The following MARCHF1 variants were observed in gnomAD, a reference collection of about 807,000 sequenced individuals.
MARCHF1 encodes the protein E3 ubiquitin-protein ligase MARCHF1.
MARCHF1 carries 40 observed loss-of-function variants against 54.2 expected under a neutral mutation model. The observed-to-expected ratio is 0.74, with a 90% CI of 0.57 to 0.96. MARCHF1 has a LOEUF of 0.96. Among genes scored for constraint, MARCHF1 ranks in the 40% least tolerant of loss-of-function variants. The pLI, the probability that MARCHF1 is intolerant of heterozygous loss-of-function variation, is 0.00. For synonymous variants in MARCHF1, 236 were observed against 236.3 expected, an observed-to-expected ratio of 1.00 and a Z score of 0.01; for missense variants, 586 against 656.5, an observed-to-expected ratio of 0.89 and a Z score of 1.17.
At chr4:163,812,617 G>C (rs1477936440) in intron 4 of MARCHF1, among the ~76,000 whole-genome samples, 3 of 152,062 alleles carry the variant, frequency 2.0e-5, no homozygotes, top group African/African-American at 2.4e-5. Context: ...AATTAGTCAG[G>C]CGTGGTGGTG....
intron 1 of MARCHF1, among the ~76,000 whole-genome samples, chr4:164,250,197 T>C (rs576492091): frequency 1.3e-3 from 202 of 152,244 alleles, no homozygotes; most frequent in African/African-American, 4.6e-3. Context: ...GGGTGAGTTA[T>C]GTGCATGGTT....
intron 1 of MARCHF1, chr4:164,135,620 G>A (rs1201927042): frequency 6.6e-6 from 1 of 152,200 alleles, no homozygotes; most frequent in Non-Finnish European, 1.5e-5. Context: ...AGGCCCCCAT[G>A]ATTCAATCAC....
chr4:164,049,013 A>G (rs1353708883), intron 2 of MARCHF1, among the ~76,000 whole-genome samples: 3 of 152,236 alleles, frequency 2.0e-5, no homozygotes, highest in African/African-American at 7.2e-5. Context: ...CAAGACTAAT[A>G]TATAAAATAC....
intron 3 of MARCHF1, among the ~76,000 whole-genome samples, chr4:163,857,658 T>G (rs1749805249): frequency 6.6e-6 from 1 of 152,206 alleles, no homozygotes; most frequent in Non-Finnish European, 1.5e-5. Flanking sequence ...ATTTAGTAAA[T>G]AGCAGCATAG....
intron 1 of MARCHF1, among the ~76,000 whole-genome samples, chr4:164,304,709 C>G (rs577042063): frequency 1.1e-4 from 16 of 152,130 alleles, no homozygotes; most frequent in African/African-American, 3.9e-4. Context: ...CCTCTCAATG[C>G]TTTCTGGTAA....
intron 1 of MARCHF1, among the ~76,000 whole-genome samples, chr4:164,250,560 T>A (rs1461152182): frequency 1.3e-5 from 2 of 152,102 alleles, no homozygotes; most frequent in Admixed American, 6.6e-5. Context: ...TTAATAAAGT[T>A]AACATCACTT....
chr4:163,841,164 T>C (rs2111130518), intron 4 of MARCHF1, among the ~76,000 whole-genome samples: 1 of 152,182 alleles, frequency 6.6e-6, no homozygotes, highest in East Asian at 1.9e-4. Flanking sequence ...TTTGGGGCAG[T>C]GAAACTGCTC....
At chr4:164,322,708 T>C (rs1184189432) in intron 1 of MARCHF1, among the ~76,000 whole-genome samples, 3 of 151,902 alleles carry the variant, frequency 2.0e-5, no homozygotes, top group Non-Finnish European at 2.9e-5. Context: ...TACTATGTAT[T>C]CACAAAAATA....
At chr4:164,230,264 A>C (rs1242483862) in intron 1 of MARCHF1, among the ~76,000 whole-genome samples, 2 of 151,904 alleles carry the variant, frequency 1.3e-5, no homozygotes, top group African/African-American at 2.4e-5. Context: ...AGTGTAGTAC[A>C]TGCGCCCATA....
chr4:164,134,136 G>T (rs1319120001), intron 1 of MARCHF1, among the ~76,000 whole-genome samples: 1 of 151,978 alleles, frequency 6.6e-6, no homozygotes, highest in Non-Finnish European at 1.5e-5. Context: ...AATCTTTTTA[G>T]TCAGATATTA....
chr4:164,002,749 G>A (rs1437911570), intron 2 of MARCHF1, among the ~76,000 whole-genome samples: 1 of 151,708 alleles, frequency 6.6e-6, no homozygotes, highest in African/African-American at 2.4e-5. Context: ...AAGAAAATCA[G>A]ATACAGGTAT....
intron 1 of MARCHF1, among the ~76,000 whole-genome samples, chr4:164,329,345 C>T (rs1421695752): frequency 6.6e-6 from 1 of 151,806 alleles, no homozygotes; most frequent in Non-Finnish European, 1.5e-5. Flanking sequence ...AGTCAATGTG[C>T]TCCACATTTC....
chr4:164,251,339 C>T lies in MARCHF1; in HGVS notation c.-323+132531G>A, dbSNP rs182529409. Among the ~76,000 whole-genome samples, 19 of 152,086 alleles carry T rather than the reference C, an allele frequency of 1.2e-4. No individual in the cohort carries two copies. In the East Asian group the frequency reaches 2.5e-3, roughly 20 times the overall value. On this transcript the variant is annotated intron_variant, in intron 1 of 9. Coordinates refer to ENST00000514618, the MANE Select transcript of MARCHF1 (RefSeq NM_001394959.1). ...ATTGTTTTACTTTTATTTCACGAGA[C>T]GGTAAGTAAGAAAAAGATACAGTGT...
At chr4:164,184,188 A>G (rs889826566) in intron 1 of MARCHF1, among the ~76,000 whole-genome samples, 7 of 152,318 alleles carry the variant, frequency 4.6e-5, no homozygotes, top group African/African-American at 1.7e-4. Flanking sequence ...CAACACCACA[A>G]TATGAGATTT....
intron 1 of MARCHF1, among the ~76,000 whole-genome samples, chr4:164,148,114 A>T (rs1729814381): frequency 1.3e-5 from 2 of 150,232 alleles, no homozygotes; most frequent in Admixed American, 1.3e-4. Flanking sequence ...TCCAGTTGTG[A>T]TGATCATGAA....
intron 1 of MARCHF1, among the ~76,000 whole-genome samples, chr4:164,241,919 C>G (rs755322442): frequency 1.3e-5 from 2 of 152,304 alleles, no homozygotes; most frequent in South Asian, 2.1e-4. Flanking sequence ...GCTTTTCCAA[C>G]GGGCTTAAAA....
intron 1 of MARCHF1, among the ~76,000 whole-genome samples, chr4:164,366,104 T>A (rs1730873223): frequency 6.6e-6 from 1 of 152,104 alleles, no homozygotes; most frequent in Admixed American, 6.6e-5. Context: ...TAAATAGAAC[T>A]ATGAATATAA....
intron 5 of MARCHF1, among the ~76,000 whole-genome samples, chr4:163,682,992 G>A (rs1414376288): frequency 5.3e-5 from 8 of 152,104 alleles, no homozygotes; most frequent in South Asian, 4.1e-4. Flanking sequence ...AAAATGTATT[G>A]TTGTAATAAA....
intron 1 of MARCHF1, among the ~76,000 whole-genome samples, chr4:164,276,415 A>G (rs1733880827): frequency 1.3e-5 from 2 of 151,988 alleles, no homozygotes; most frequent in Admixed American, 6.6e-5. Flanking sequence ...CTCTCACTCT[A>G]TACTATCTCT....
Sources: gnomAD v4.1 joint callset for allele counts (sites outside exome capture counted in the v4.1 genomes callset) on GRCh38, gnomAD v4.1.1 for gene constraint, MANE v1.5 for transcripts, NCBI Gene and HGNC (gene_info 2026-07-23, HGNC 2026-07-21) for gene names.